GABPB1: variants seen among roughly 807,000 people sequenced by gnomAD.
The protein encoded by GABPB1 is GA-binding protein subunit beta-1.
Under a neutral mutation model 45.9 loss-of-function variants are expected in GABPB1, and 15 were observed. That is an observed-to-expected ratio of 0.33 (90% confidence interval 0.22 to 0.50). GABPB1 has a LOEUF of 0.50. Ranked by LOEUF, GABPB1 falls within the 20% of genes least tolerant of loss-of-function variation. The pLI is 0.98. For synonymous variants in GABPB1, 143 were observed against 154.4 expected (o/e 0.93, Z 0.55); for missense variants, 252 against 457.5 (o/e 0.55, Z 4.10).
intron 8 of GABPB1, among the ~76,000 whole-genome samples, chr15:50,279,796 A>G (rs2045919547): frequency 6.6e-6 from 1 of 152,144 alleles, no homozygotes; most frequent in Middle Eastern, 3.2e-3. Context: ...CTATCACAAG[A>G]ATGATAGGTC....
intron 8 of GABPB1, chr15:50,285,747 T>C: frequency 1.0e-6 from 1 of 994,062 alleles, no homozygotes; most frequent in South Asian, 4.5e-5. Flanking sequence ...CAATATATAC[T>C]GGTATTTTCC....
intron 1 of GABPB1, among the ~76,000 whole-genome samples, chr15:50,342,417 C>T (rs1001669013): frequency 6.6e-6 from 1 of 151,920 alleles, no homozygotes; most frequent in Non-Finnish European, 1.5e-5. Context: ...ATATACCACT[C>T]AACAGATGTT....
Position 50,278,587 on chromosome 15 carries a change from TTC to T in GABPB1, c.*43_*44del, listed in dbSNP as rs755692449. 3 of 1,559,134 alleles carry T rather than the reference TTC, an allele frequency of 1.9e-6. No individual in the cohort carries two copies. The African/African-American group carries it at 4.1e-5, about 21-fold the overall frequency. ...TTGTTGTGTACAGTTCAAGATTGTATTCTTTCTTGACCAAAAGTAAAATCAAA... is the reference window on the plus strand; with the variant it reads ...TTGTTGTGTACAGTTCAAGATTGTATTTTCTTGACCAAAAGTAAAATCAAA... On this transcript the variant is annotated 3_prime_UTR_variant, in exon 9 of 9. Transcript: ENST00000380877.
intron 2 of GABPB1, among the ~76,000 whole-genome samples, chr15:50,305,810 C>A (rs911572176): frequency 1.3e-5 from 2 of 151,928 alleles, no homozygotes; most frequent in African/African-American, 4.8e-5. Flanking sequence ...GAGACAGGGT[C>A]TCACTCTGTC....
chr15:50,290,329 G>A (rs2046305829), intron 6 of GABPB1, among the ~76,000 whole-genome samples: 1 of 152,118 alleles, frequency 6.6e-6, no homozygotes, highest in Non-Finnish European at 1.5e-5. Context: ...GGTGGCTCAG[G>A]TCTGTAATCC....
intron 8 of GABPB1, among the ~76,000 whole-genome samples, chr15:50,280,937 C>G (rs1177675293): frequency 6.6e-6 from 1 of 152,118 alleles, no homozygotes; most frequent in Non-Finnish European, 1.5e-5. Context: ...GGAAAGGATT[C>G]ACAATTATTG....
chr15:50,291,916 T>G (rs1595743873), intron 6 of GABPB1, among the ~76,000 whole-genome samples: 1 of 82,232 alleles, frequency 1.2e-5, no homozygotes, highest in Non-Finnish European at 2.3e-5. Context: ...AGACTCTGTC[T>G]CAAAAAAAAA....
chr15:50,302,957 C>A lies in GABPB1; in HGVS notation c.443G>T (p.Gly148Val). The A allele has an allele frequency of 6.2e-7, 1 of 1,612,512 alleles. No homozygotes were observed. Among genetic ancestry groups the A allele is most frequent in the Non-Finnish European group, 8.5e-7 (1 of 1,179,166 alleles). The stretch of plus-strand genomic sequence containing the variant: ...TAATATCTCTGCTAAATCTTCATTT[C>A]CATTGTCTATTGAAATATCAAATGC... ...KTAFDISIDN[G>V]NEDLAEILQI... Residue 148 changes from glycine to valine, a missense_variant, in exon 4 of 9, where the codon GGA becomes GTA. Physicochemically the swap from Gly to Val is moderately radical, Grantham distance 109. Transcript: ENST00000380877.
At position 50,308,578 on chromosome 15, in the gene GABPB1, A is replaced by G. The variant is rs75774331; in HGVS notation, c.108+1113T>C. Among the ~76,000 whole-genome samples, 380 of 152,330 alleles carry G rather than the reference A, an allele frequency of 2.5e-3. 1 individual carries two copies. The highest frequency in any genetic ancestry group is 6.3e-3 in the Admixed American group (97 of 15,278). ...CCAGAATTATGAGATAAGATCTCCT[A>G]TCAGACTTCTCTCCATGAACACTCT... is the stretch of plus-strand genomic sequence containing the variant. On this transcript the variant is annotated intron_variant, in intron 2 of 8. Coordinates refer to ENST00000380877, the MANE Select transcript of GABPB1 (RefSeq NM_016654.5).
intron 6 of GABPB1, among the ~76,000 whole-genome samples, chr15:50,291,562 G>A (rs1278182341): frequency 1.4e-5 from 2 of 145,926 alleles, no homozygotes; most frequent in Non-Finnish European, 3.0e-5. Context: ...TCCTGACCTT[G>A]TGATCCGCCT....
intron 1 of GABPB1, among the ~76,000 whole-genome samples, chr15:50,340,835 A>T (rs1440707808): frequency 1.4e-5 from 2 of 141,372 alleles, no homozygotes; most frequent in Admixed American, 1.5e-4. Flanking sequence ...TAGGAGTGCA[A>T]TATGTATATT....
At chr15:50,338,770 T>G (rs2048236814) in intron 1 of GABPB1, among the ~76,000 whole-genome samples, 1 of 152,214 alleles carries the variant, frequency 6.6e-6, no homozygotes, top group South Asian at 2.1e-4. Context: ...ACACCCGGCC[T>G]AAACCTCCGT....
chr15:50,328,779 T>C (rs1283229374), intron 1 of GABPB1, among the ~76,000 whole-genome samples: 1 of 152,222 alleles, frequency 6.6e-6, no homozygotes, highest in Non-Finnish European at 1.5e-5. Context: ...AAATCAATTA[T>C]TCATAACAGG....
At position 50,289,496 on chromosome 15, in the gene GABPB1, T is replaced by G; in HGVS notation, c.870A>C (p.Pro290=). The change falls in exon 7 of 9, where the codon CCA becomes CCC. Residue 290 remains proline, a synonymous_variant. Coordinates refer to ENST00000380877, the MANE Select transcript of GABPB1 (RefSeq NM_016654.5). ...GIGQPIIVTM[P]DGQQVLTVPA... is the part of the protein sequence containing the mutation. ...TCTACTACTAACCTTGTTGTCCATCTGGCATGGTCACAATGATGGGCTGAC... is the reference window on the plus strand; with the variant it reads ...TCTACTACTAACCTTGTTGTCCATCGGGCATGGTCACAATGATGGGCTGAC... 6.2e-7 allele frequency: 1 copy of G among 1,606,972 alleles called. No individual in the cohort carries two copies. The highest frequency in any genetic ancestry group is 1.1e-5 in the South Asian group (1 of 89,500).
Position 50,278,662 on chromosome 15 carries a change from A to G in GABPB1, c.1122T>C (p.Thr374=). The G allele has an allele frequency of 6.2e-7, 1 of 1,612,524 alleles. No individual in the cohort carries two copies. Among genetic ancestry groups the G allele is most frequent in the Admixed American group, 1.7e-5 (1 of 59,646 alleles). The change falls in exon 9 of 9, where the codon ACT becomes ACC. Residue 374 remains threonine, a synonymous_variant. Coordinates refer to ENST00000380877, the MANE Select transcript of GABPB1 (RefSeq NM_016654.5). ...CAGCTTCTTTATTAGTCTGAAGACG[A>G]GTCATAGCTTCCAACTTCTGTCTGT... ...EAYRQKLEAM[T]RLQTNKEAV
intron 1 of GABPB1, chr15:50,327,181 AG>A (rs2047799571): frequency 6.6e-6 from 1 of 152,208 alleles, no homozygotes; most frequent in African/African-American, 2.4e-5. Context: ...TAATCAGGGA[AG>A]TATAACTTAC....
chr15:50,301,256 C>T lies in GABPB1; in HGVS notation c.583+1G>A. On this transcript the variant is annotated splice_donor_variant, in intron 5 of 8. Coordinates refer to ENST00000380877, the MANE Select transcript of GABPB1 (RefSeq NM_016654.5). LOFTEE classifies it high-confidence loss of function. ...GGATGAATTTTCTGAAGATACCAGA[C>T]CTGTTAGGTTCACCACCCCTCCAGG... 1 of 1,614,094 alleles carries T rather than the reference C, an allele frequency of 6.2e-7. No individual in the cohort carries two copies. The highest frequency in any genetic ancestry group is 8.5e-7 in the Non-Finnish European group (1 of 1,179,986).
chr15:50,306,508 T>A (rs945329260), intron 2 of GABPB1, among the ~76,000 whole-genome samples: 7 of 151,700 alleles, frequency 4.6e-5, no homozygotes, highest in Non-Finnish European at 8.8e-5. Flanking sequence ...GCGCCTGTTA[T>A]CCCAGCTACT....
Position 50,310,088 on chromosome 15 carries a change from TTTTA to T in GABPB1, c.1-294_1-291del, listed in dbSNP as rs374725239. 9.8e-4 allele frequency among the ~76,000 whole-genome samples: 149 copies of T among 152,210 alleles called. 2 individuals are homozygous for T. In the East Asian group the frequency reaches 0.026, roughly 26 times the overall value. On this transcript the variant is annotated intron_variant, in intron 1 of 8. Transcript: ENST00000380877. ...GTAGCAGAGAAAAGCTGGCCTAAATTTTTATTTATTTATTTTTTTCTTGACACAG... is the reference window on the plus strand; with the variant it reads ...GTAGCAGAGAAAAGCTGGCCTAAATTTTTATTTATTTTTTTCTTGACACAG...
Sources: allele counts gnomAD v4.1 joint callset (sites outside exome capture counted in the v4.1 genomes callset), GRCh38; gene constraint gnomAD v4.1.1; transcripts MANE v1.5; gene names NCBI Gene and HGNC (gene_info 2026-07-23, HGNC 2026-07-21).